Variants in OSBPL10 observed in about 807,000 individuals in gnomAD.
OSBPL10 encodes oxysterol-binding protein-related protein 10.
Under a neutral mutation model 81.7 loss-of-function variants are expected in OSBPL10, and 49 were observed. The ratio of observed to expected loss-of-function variants is 0.60; its 90% CI spans 0.48 to 0.76. OSBPL10 has a LOEUF of 0.76. Ranked by LOEUF, OSBPL10 falls within the 30% of genes least tolerant of loss-of-function variation. The pLI, the probability that OSBPL10 is intolerant of heterozygous loss-of-function variation, is 0.00. For missense variants in OSBPL10, 923 were observed against 987.8 expected (o/e 0.93, Z 0.88); for synonymous variants, 419 against 383.6 (o/e 1.09, Z -1.08).
At chr3:32,058,290 T>C (rs1327408534) in intron 1 of OSBPL10, among the ~76,000 whole-genome samples, 1 of 152,118 alleles carries the variant, frequency 6.6e-6, no homozygotes. Flanking sequence ...ATCTAGTTGG[T>C]AGGTATATGG....
intron 11 of OSBPL10, chr3:31,663,219 AT>A: frequency 4.1e-6 from 4 of 984,982 alleles, no homozygotes; most frequent in African/African-American, 1.7e-5. Context: ...TGGTATTTAA[AT>A]TTTTTTAAAT....
intron 4 of OSBPL10, among the ~76,000 whole-genome samples, chr3:31,780,171 T>C (rs374937469): frequency 5.2e-4 from 79 of 152,140 alleles, no homozygotes; most frequent in Middle Eastern, 3.4e-3. Flanking sequence ...CAGGCGCCTG[T>C]AGTCCCAGCT....
At chr3:31,797,098 G>A (rs905630168) in intron 4 of OSBPL10, among the ~76,000 whole-genome samples, 7 of 148,898 alleles carry the variant, frequency 4.7e-5, no homozygotes, top group African/African-American at 1.7e-4. Context: ...GGGTTCAAGT[G>A]ATTCTCCTGC....
chr3:31,836,463 G>T (rs1393272796), intron 3 of OSBPL10, among the ~76,000 whole-genome samples: 1 of 152,128 alleles, frequency 6.6e-6, no homozygotes, highest in African/African-American at 2.4e-5. Context: ...CAAATAGTGG[G>T]AAACAAAACT....
chr3:31,683,662 C>T lies in OSBPL10; in HGVS notation c.1698G>A (p.Met566Ile). Reference protein sequence around the residue: ...HVWTKSKFMGMSVGVSMIGEG... With the variant: ...HVWTKSKFMGISVGVSMIGEG... ...CCCCTATCATAGAGACCCCCACGGACATGCCCATGAACTTGCTTTTGGTCC... is the reference window on the plus strand; with the variant it reads ...CCCCTATCATAGAGACCCCCACGGATATGCCCATGAACTTGCTTTTGGTCC... Residue 566 changes from methionine (M) to isoleucine (I), a missense_variant, in exon 8 of 12, where the codon ATG becomes ATA. By Grantham distance (10) the Met-to-Ile change is conservative. Transcript: ENST00000396556. 1.9e-6 allele frequency: 3 copies of T among 1,613,546 alleles called. No homozygotes were observed. Among genetic ancestry groups the T allele is most frequent in the Non-Finnish European group, 2.5e-6 (3 of 1,179,536 alleles).
intron 2 of OSBPL10, chr3:32,030,591 T>G (rs1699458652): frequency 9.3e-7 from 1 of 1,072,832 alleles, no homozygotes; most frequent in South Asian, 1.2e-5. Flanking sequence ...AGCGCCCGCC[T>G]GCTCCACCCA....
At position 31,720,331 on chromosome 3, in the gene OSBPL10, G is replaced by C. The variant is rs948312028; in HGVS notation, c.1095+12926C>G. Among the ~76,000 whole-genome samples, 3 of 152,132 alleles carry C rather than the reference G, an allele frequency of 2.0e-5. 1 individual carries two copies. Among genetic ancestry groups the C allele is most frequent in the African/African-American group, 2.4e-5 (1 of 41,422 alleles). On this transcript the variant is annotated intron_variant, in intron 6 of 11. Transcript: ENST00000396556. ...GTTTCATGTCCGGCTTAATTCTGAG[G>C]CTCTTGGGAGATACAGGGAGGAAGG...
chr3:31,764,726 G>C (rs1183798732), intron 4 of OSBPL10, among the ~76,000 whole-genome samples: 1 of 152,154 alleles, frequency 6.6e-6, no homozygotes, highest in Admixed American at 6.5e-5. Flanking sequence ...CTCCCAGCAA[G>C]GGTGGAGCAT....
chr3:31,766,708 T>G (rs990366733), intron 4 of OSBPL10, among the ~76,000 whole-genome samples: 3 of 152,166 alleles, frequency 2.0e-5, no homozygotes, highest in Admixed American at 6.5e-5. Context: ...AAAACTCACT[T>G]CACAAGATTT....
intron 1 of OSBPL10, among the ~76,000 whole-genome samples, chr3:31,975,124 T>A (rs1355017073): frequency 6.6e-6 from 1 of 152,172 alleles, no homozygotes; most frequent in Non-Finnish European, 1.5e-5. Context: ...ACGAAGCAGG[T>A]GCTCAATACG....
At chr3:31,733,125 C>G in intron 6 of OSBPL10, 132 bp downstream of exon 6, 1 of 1,281,822 alleles carries the variant, frequency 7.8e-7, no homozygotes, top group Non-Finnish European at 1.1e-6. Context: ...TTTGTCTCTC[C>G]AGGCAATTCT....
chr3:31,946,102 T>C (rs1400643461), intron 1 of OSBPL10, among the ~76,000 whole-genome samples: 2 of 152,184 alleles, frequency 1.3e-5, no homozygotes, highest in African/African-American at 2.4e-5. Flanking sequence ...TGCCTCAGCC[T>C]CCTGAGTAGC....
chr3:31,672,454 G>A (rs1001760935), intron 8 of OSBPL10, among the ~76,000 whole-genome samples: 4 of 149,966 alleles, frequency 2.7e-5, no homozygotes, highest in African/African-American at 7.4e-5. Flanking sequence ...GGGTGGGAGT[G>A]CGGAGGGAGG....
chr3:31,880,460 C>T, intron 1 of OSBPL10, among the ~76,000 whole-genome samples: 1 of 152,200 alleles, frequency 6.6e-6, no homozygotes, highest in African/African-American at 2.4e-5. Flanking sequence ...AGAAGAACTC[C>T]AATTTGCTTA....
chr3:31,938,587 C>A (rs1243802475), intron 1 of OSBPL10, among the ~76,000 whole-genome samples: 1 of 152,148 alleles, frequency 6.6e-6, no homozygotes, highest in Non-Finnish European at 1.5e-5. Context: ...TGGCTCACTG[C>A]AGCCTTGACC....
At chr3:31,872,430 T>C (rs1456961935) in intron 3 of OSBPL10, among the ~76,000 whole-genome samples, 2 of 150,842 alleles carry the variant, frequency 1.3e-5, no homozygotes, top group Admixed American at 1.3e-4. Context: ...CAAAAGCCAA[T>C]ACGTGTTTTG....
At chr3:31,920,841 C>T (rs4453879) in intron 1 of OSBPL10, among the ~76,000 whole-genome samples, 1 of 151,986 alleles carries the variant, frequency 6.6e-6, no homozygotes, top group Non-Finnish European at 1.5e-5. Flanking sequence ...TGTTCCCTCT[C>T]TCACCATGTG....
At chr3:31,866,098 A>C (rs1171860125) in intron 3 of OSBPL10, among the ~76,000 whole-genome samples, 1 of 152,172 alleles carries the variant, frequency 6.6e-6, no homozygotes. Flanking sequence ...GGAAAAAGTC[A>C]AGAAAGTTGT....
chr3:31,677,958 G>A (rs1484641500), intron 8 of OSBPL10, among the ~76,000 whole-genome samples: 2 of 151,112 alleles, frequency 1.3e-5, no homozygotes, highest in Admixed American at 6.6e-5. Flanking sequence ...GCGGGCGCCT[G>A]TAGTCCCAGC....
Sources: allele counts gnomAD v4.1 joint callset (sites outside exome capture counted in the v4.1 genomes callset), GRCh38; gene constraint gnomAD v4.1.1; transcripts MANE v1.5; gene names NCBI Gene and HGNC (gene_info 2026-07-23, HGNC 2026-07-21).